OTOF: variants seen among roughly 807,000 people sequenced by gnomAD.
OTOF encodes the protein otoferlin.
OTOF carries 218 observed loss-of-function variants against 236.8 expected under a neutral mutation model. The observed-to-expected ratio is 0.92, with a 90% CI of 0.82 to 1.03. The LOEUF is 1.03. Among genes scored for constraint, OTOF ranks in the 50% least tolerant of loss-of-function variants. The pLI, the probability that OTOF is intolerant of heterozygous loss-of-function variation, is 0.00. For synonymous variants in OTOF, 1,041 were observed against 1,072.5 expected (o/e 0.97, Z 0.57); for missense variants, 2,590 against 2,694.4 (o/e 0.96, Z 0.86).
At position 26,511,265 on chromosome 2, in the gene OTOF, T is replaced by TG. The variant is rs749151966; in HGVS notation, c.509+5152dup. ...CTGCTCTGTGAGGGTGAGGCAGGGC[T>TG]GGGGGTCCTGCTATGGAGTGCACAC... On this transcript the variant is annotated intron_variant, in intron 5 of 46. Transcript: ENST00000272371. Among the ~76,000 whole-genome samples the TG allele has an allele frequency of 3.5e-4, 53 of 152,028 alleles. 1 individual carries two copies. Among genetic ancestry groups the TG allele is most frequent in the Non-Finnish European group, 6.8e-4 (46 of 67,940 alleles).
chr2:26,460,543 G>T lies in OTOF; in HGVS notation c.5813+104C>A. 2.2e-6 allele frequency: 2 copies of T among 926,894 alleles called. No individual in the cohort carries two copies. Among genetic ancestry groups the T allele is most frequent in the Non-Finnish European group, 3.5e-6 (2 of 576,256 alleles). 57.4% of individuals were successfully genotyped at this position (926,894 alleles called of 1,614,324 possible). ...CAGGGAGGAGGCTCCCCTGTAATGA[G>T]GCTGTGGCCCAGGAAGAGATGGGGT... On this transcript the variant is annotated intron_variant, in intron 45 of 46. Transcript: ENST00000272371. This position sits in a 1 kb window ranked among gnomAD's most constrained non-coding sequence, Gnocchi z 5.3.
intron 1 of OTOF, among the ~76,000 whole-genome samples, chr2:26,547,408 GA>G (rs1406370794): frequency 6.6e-6 from 1 of 152,170 alleles, no homozygotes; most frequent in Non-Finnish European, 1.5e-5. Flanking sequence ...GTTCATGAGA[GA>G]TATTGGGCTG....
chr2:26,468,723 T>C (rs1451780425), intron 32 of OTOF, among the ~76,000 whole-genome samples: 1 of 152,080 alleles, frequency 6.6e-6, no homozygotes, highest in Non-Finnish European at 1.5e-5. Context: ...TATGCAGCCA[T>C]AAAAAAGGAT....
rs562697258 is a variant in OTOF, at chr2:26,527,237, G to C, written c.227+595C>G. Among the ~76,000 whole-genome samples, 8 of 152,366 alleles carry C rather than the reference G, an allele frequency of 5.3e-5. No homozygotes were observed. In the South Asian group the frequency reaches 1.7e-3, roughly 32 times the overall value. On this transcript the variant is annotated intron_variant, in intron 3 of 46. Coordinates refer to ENST00000272371, the MANE Select transcript of OTOF (RefSeq NM_194248.3). ...CGCTTAGTAAACATTTGTTGAATGA[G>C]TGAGTGAATATCTATCTCATTTAAT...
At chr2:26,499,256 C>T (rs950322782) in intron 8 of OTOF, among the ~76,000 whole-genome samples, 1 of 152,066 alleles carries the variant, frequency 6.6e-6, no homozygotes, top group Non-Finnish European at 1.5e-5. Context: ...TTACACGTGA[C>T]GTGCATTCTA....
intron 5 of OTOF, chr2:26,510,729 T>G: frequency 7.8e-7 from 1 of 1,289,322 alleles, no homozygotes; most frequent in Non-Finnish European, 1.0e-6. Context: ...TCTGCCTCCC[T>G]TGGTCTTCTC....
chr2:26,461,638 G>T lies in OTOF; in HGVS notation c.5533+58C>A. On this transcript the variant is annotated intron_variant, in intron 43 of 46. Transcript: ENST00000272371. This position sits in a 1 kb window ranked among gnomAD's most constrained non-coding sequence, Gnocchi z 6.2. ...GGGCTCTCCCTGTCCCCGCCAACCC[G>T]GCCCCTGCCTCTTCTCAGTTCTGGA... 1 of 1,607,648 alleles carries T rather than the reference G, an allele frequency of 6.2e-7. No individual in the cohort carries two copies.
At position 26,470,809 on chromosome 2, in the gene OTOF, C is replaced by A; in HGVS notation, c.3895-88G>T. 1.3e-6 allele frequency: 2 copies of A among 1,561,492 alleles called. No homozygotes were observed. Among genetic ancestry groups the A allele is most frequent in the East Asian group, 2.4e-5 (1 of 41,958 alleles). ...CTCCACCCATTCCGCCATCTGTCAGCAGGAAGCCTTGGGCTCCATGAGGCT... is the reference window on the plus strand; with the variant it reads ...CTCCACCCATTCCGCCATCTGTCAGAAGGAAGCCTTGGGCTCCATGAGGCT... On this transcript the variant is annotated intron_variant, in intron 31 of 46. Coordinates refer to ENST00000272371, the MANE Select transcript of OTOF (RefSeq NM_194248.3). This position sits in a 1 kb window ranked among gnomAD's most constrained non-coding sequence, Gnocchi z 4.3.
In OTOF at chr2:26,495,041, C is replaced by T. The variant is rs757338234; in HGVS notation, c.798G>A (p.Leu266=). Residue 266 remains leucine (L), a synonymous_variant, in exon 9 of 47, where the codon CTG becomes CTA. Transcript: ENST00000272371. ...VSITVIEARQ[L]VGLNMDPVVC... is the part of the protein sequence containing the mutation. ...CCACAGGGTCCATGTTCAAGCCCAC[C>T]AGCTGCCGGGCCTCGATCACCGTGA... is the stretch of plus-strand genomic sequence containing the variant. 25 of 1,614,016 alleles carry T rather than the reference C, an allele frequency of 1.5e-5. No individual in the cohort carries two copies. In the South Asian group the frequency reaches 2.7e-4, roughly 18 times the overall value.
chr2:26,544,571 G>T (rs1426708831), intron 1 of OTOF, among the ~76,000 whole-genome samples: 1 of 152,104 alleles, frequency 6.6e-6, no homozygotes, highest in African/African-American at 2.4e-5. Context: ...ACAACTTCTT[G>T]GTCCATTTCT....
At chr2:26,541,644 C>T (rs1363971265) in intron 1 of OTOF, among the ~76,000 whole-genome samples, 1 of 152,212 alleles carries the variant, frequency 6.6e-6, no homozygotes, top group Non-Finnish European at 1.5e-5. Context: ...AGGGGGATGA[C>T]TAACCCCATC....
At chr2:26,458,547 C>T (rs906961206) in intron 46 of OTOF, among the ~76,000 whole-genome samples, 14 of 152,174 alleles carry the variant, frequency 9.2e-5, no homozygotes, top group South Asian at 4.1e-4. Flanking sequence ...TGCTGCCCCA[C>T]GTCCTTGGTA....
chr2:26,476,437 G>A (rs1029060980), intron 22 of OTOF, 120 bp from the exon 23 acceptor site: 26 of 945,166 alleles, frequency 2.8e-5, no homozygotes, highest in African/African-American at 2.3e-4. Flanking sequence ...CAGCCATCCC[G>A]CTGGGCTGGG....
At chr2:26,489,366 A>G in intron 10 of OTOF, 71 bp from the exon 11 acceptor site, 1 of 1,231,416 alleles carries the variant, frequency 8.1e-7, no homozygotes, top group Non-Finnish European at 1.2e-6. Context: ...CAGTGGTGGG[A>G]CCCGAGCTTT....
chr2:26,519,421 G>C (rs940916855), intron 3 of OTOF, among the ~76,000 whole-genome samples: 8 of 152,240 alleles, frequency 5.3e-5, no homozygotes, highest in African/African-American at 1.9e-4. Context: ...CCCTTGCAGA[G>C]AAGCTTCCAG....
chr2:26,534,595 G>T (rs2148119611), intron 2 of OTOF, among the ~76,000 whole-genome samples: 1 of 152,300 alleles, frequency 6.6e-6, no homozygotes, highest in South Asian at 2.1e-4. Context: ...CCCCTCCCTT[G>T]CTTGGAACCC....
At chr2:26,551,038 G>A (rs1667449467) in intron 1 of OTOF, among the ~76,000 whole-genome samples, 1 of 152,152 alleles carries the variant, frequency 6.6e-6, no homozygotes, top group African/African-American at 2.4e-5. Flanking sequence ...CGCCCAGGCT[G>A]GAGTGCAGTG....
chr2:26,491,814 G>A (rs981021126), intron 9 of OTOF, among the ~76,000 whole-genome samples: 2 of 152,252 alleles, frequency 1.3e-5, no homozygotes, highest in South Asian at 2.1e-4. Context: ...CCAGGTGCCC[G>A]CAGATGTGCC....
rs1665283012 is a variant in OTOF at position 26,476,515 on chromosome 2, C to T, written c.2677-198G>A. On this transcript the variant is annotated intron_variant, in intron 22 of 46. Coordinates refer to ENST00000272371, the MANE Select transcript of OTOF (RefSeq NM_194248.3). ...CCTTCCCCACCCCTTCCCCCACCTC[C>T]TTCCCCACCCCTTCCCCCACCTCCT... Among the ~76,000 whole-genome samples the T allele has an allele frequency of 2.3e-5, 3 of 128,950 alleles. No individual in the cohort carries two copies. In the South Asian group the frequency reaches 7.3e-4, roughly 32 times the overall value. The allele number at this position is 128,950 out of a possible 152,430, so 84.6% of individuals were successfully genotyped here.
Sources: gnomAD v4.1 joint callset for allele counts (sites outside exome capture counted in the v4.1 genomes callset) on GRCh38, gnomAD v4.1.1 for gene constraint, Gnocchi (gnomAD v3.1) non-coding constraint, MANE v1.5 for transcripts, NCBI Gene and HGNC (gene_info 2026-07-23, HGNC 2026-07-21) for gene names.